FREM2: variants seen among roughly 807,000 people sequenced by gnomAD.
The protein encoded by FREM2 is FRAS1-related extracellular matrix protein 2.
Under a neutral mutation model 219.9 loss-of-function variants are expected in FREM2, and 119 were observed. That is an observed-to-expected ratio of 0.54 (90% CI 0.47 to 0.63). The LOEUF (loss-of-function observed/expected upper bound fraction) is 0.63, where lower values mean the gene tolerates loss of function less well. Ranked by LOEUF, FREM2 falls within the 30% of genes least tolerant of loss-of-function variation. The pLI is 0.00. For synonymous variants in FREM2, 1,562 were observed against 1,522.8 expected, an observed-to-expected ratio of 1.03 and a Z score of -0.60; for missense variants, 4,030 against 3,993.6, an observed-to-expected ratio of 1.01 and a Z score of -0.25.
chr13:38,869,476 A>C (rs935271201), intron 16 of FREM2, among the ~76,000 whole-genome samples: 1 of 152,198 alleles, frequency 6.6e-6, no homozygotes, highest in Non-Finnish European at 1.5e-5. Flanking sequence ...GGAACATACC[A>C]AGTACTCATG....
chr13:38,735,792 G>T (rs1401228099), intron 2 of FREM2, among the ~76,000 whole-genome samples: 1 of 152,162 alleles, frequency 6.6e-6, no homozygotes, highest in African/African-American at 2.4e-5. Flanking sequence ...AGGAGTACCT[G>T]CAAGATTAGA....
At chr13:38,709,096 C>G (rs1870656742) in intron 2 of FREM2, among the ~76,000 whole-genome samples, 1 of 152,136 alleles carries the variant, frequency 6.6e-6, no homozygotes, top group Admixed American at 6.6e-5. Context: ...CAGACTCTTC[C>G]CATGTTGTAC....
In FREM2 at chr13:38,688,598, A is replaced by T; in HGVS notation, c.1254A>T (p.Glu418Asp). Residue 418 changes from glutamate (E) to aspartate (D), a missense_variant, in exon 1 of 24, where the codon GAA becomes GAT. Physicochemically the swap from Glu to Asp is conservative, Grantham distance 45 (BLOSUM62 2). Around this residue, in one of 2 missense-constraint regions of FREM2, gnomAD observed 3,102 missense variants for 2,950.7 expected, o/e 1.05. Transcript: ENST00000280481. ...TGGAATTGGAGGTAGTGGATCTAGA[A>T]GGAGCAGCTTCAGACCCTTTTGCCT... ...FELELEVVDL[E>D]GAASDPFAFM... 3.1e-6 allele frequency: 5 copies of T among 1,614,058 alleles called. No homozygotes were observed. Among genetic ancestry groups the T allele is most frequent in the Non-Finnish European group, 4.2e-6 (5 of 1,179,934 alleles).
chr13:38,694,831 C>T (rs1870038422), intron 1 of FREM2, among the ~76,000 whole-genome samples: 1 of 152,166 alleles, frequency 6.6e-6, no homozygotes, highest in Admixed American at 6.5e-5. Flanking sequence ...TAACCCAGAT[C>T]TAAATTGCAT....
chr13:38,773,778 A>G (rs1873765374), intron 4 of FREM2, among the ~76,000 whole-genome samples: 1 of 152,124 alleles, frequency 6.6e-6, no homozygotes, highest in Non-Finnish European at 1.5e-5. Context: ...AAGGGTTTAA[A>G]GTTCATGAAA....
chr13:38,867,257 A>C (rs1878003509), intron 16 of FREM2, among the ~76,000 whole-genome samples: 1 of 152,228 alleles, frequency 6.6e-6, no homozygotes, highest in South Asian at 2.1e-4. Context: ...AGTCTGTGCT[A>C]CTTTCTTAAG....
intron 2 of FREM2, among the ~76,000 whole-genome samples, chr13:38,739,788 G>A (rs938008640): frequency 6.6e-6 from 1 of 152,234 alleles, no homozygotes; most frequent in South Asian, 2.1e-4. Flanking sequence ...AGTATTGTTT[G>A]GTTATATAGT....
intron 2 of FREM2, among the ~76,000 whole-genome samples, chr13:38,730,427 A>C (rs559664190): frequency 1.3e-5 from 2 of 152,230 alleles, no homozygotes; most frequent in African/African-American, 2.4e-5. Flanking sequence ...ACATGGCACC[A>C]TGGCAGTTGC....
At chr13:38,858,617 T>G (rs1366471127) in intron 13 of FREM2, among the ~76,000 whole-genome samples, 1 of 152,232 alleles carries the variant, frequency 6.6e-6, no homozygotes. Flanking sequence ...TGAGCTAAAA[T>G]TATGACTTAC....
At position 38,691,091 on chromosome 13, in the gene FREM2, C is replaced by T. The variant is rs773900493; in HGVS notation, c.3747C>T (p.Val1249=). ...AGCTGATAAATGGCACGGTTTTGGT[C>T]GAAAGCTTCACCTTGGATCAGATCA... The part of the protein sequence containing the change: ...MNQLINGTVL[V]ESFTLDQIIE... The change falls in exon 1 of 24, where the codon GTC becomes GTT. Residue 1249 remains valine (V), a synonymous_variant. Transcript: ENST00000280481. 30 of 1,613,836 alleles carry T rather than the reference C, an allele frequency of 1.9e-5. No homozygotes were observed. In the Middle Eastern group the frequency reaches 4.9e-4, roughly 27 times the overall value.
chr13:38,841,058 C>G (rs886269848), intron 6 of FREM2, among the ~76,000 whole-genome samples: 1 of 152,130 alleles, frequency 6.6e-6, no homozygotes, highest in Non-Finnish European at 1.5e-5. Context: ...TGCTATTTCC[C>G]TGATGTACAG....
At chr13:38,794,628 G>A (rs544242239) in intron 6 of FREM2, among the ~76,000 whole-genome samples, 2 of 151,344 alleles carry the variant, frequency 1.3e-5, no homozygotes, top group South Asian at 4.2e-4. Context: ...TTTGAAATGG[G>A]GATACTAGTT....
intron 7 of FREM2, among the ~76,000 whole-genome samples, chr13:38,848,256 G>T (rs988451785): frequency 2.6e-5 from 4 of 152,162 alleles, no homozygotes; most frequent in African/African-American, 9.7e-5. Flanking sequence ...CATGGATAAA[G>T]TTCAGCAGCT....
chr13:38,851,973 T>G, intron 11 of FREM2, 105 bp downstream of exon 11: 1 of 1,018,636 alleles, frequency 9.8e-7, no homozygotes, highest in Non-Finnish European at 1.5e-6. Flanking sequence ...GAAATCAAAA[T>G]AGGGCACTCT....
chr13:38,876,403 A>G (rs751246230), intron 20 of FREM2, 21 bp downstream of exon 20: 17 of 1,606,692 alleles, frequency 1.1e-5, no homozygotes, highest in Middle Eastern at 1.6e-4. Flanking sequence ...TAGAATTACT[A>G]TCTTATGACT....
intron 5 of FREM2, among the ~76,000 whole-genome samples, 167 bp downstream of exon 5, chr13:38,783,362 C>T (rs1000797155): frequency 1.3e-4 from 19 of 151,774 alleles, no homozygotes; most frequent in Middle Eastern, 3.4e-3. Flanking sequence ...TCACCTTTGA[C>T]GAGTCCTCTT....
intron 2 of FREM2, among the ~76,000 whole-genome samples, chr13:38,756,463 C>G (rs1247887920): frequency 6.6e-6 from 1 of 152,050 alleles, no homozygotes; most frequent in East Asian, 1.9e-4. Flanking sequence ...TTTGCAAGGC[C>G]CATCACAGCC....
intron 2 of FREM2, among the ~76,000 whole-genome samples, chr13:38,710,691 G>A (rs1021030470): frequency 3.0e-4 from 45 of 152,328 alleles, no homozygotes; most frequent in African/African-American, 1.0e-3. Context: ...CAATAAATAC[G>A]TGTGGAGTGA....
In FREM2 at chr13:38,767,766, C is replaced by G. The variant is rs542715505; in HGVS notation, c.5411-1812C>G. ...CTGTCAGGAAGTCTACAGCATTCAA[C>G]AAGATATGCAGCCCTGCAATTCCTG... On this transcript the variant is annotated intron_variant, in intron 3 of 23. Coordinates refer to ENST00000280481, the MANE Select transcript of FREM2 (RefSeq NM_207361.6). 3.9e-5 allele frequency among the ~76,000 whole-genome samples: 6 copies of G among 152,298 alleles called. No homozygotes were observed. In the East Asian group the frequency reaches 5.8e-4, roughly 15 times the overall value.
Sources: allele counts gnomAD v4.1 joint callset (sites outside exome capture counted in the v4.1 genomes callset), GRCh38; gene constraint gnomAD v4.1.1; regional missense constraint gnomAD v4.1.1; transcripts MANE v1.5; gene names NCBI Gene and HGNC (gene_info 2026-07-23, HGNC 2026-07-21).